KMT2B: variants seen among roughly 807,000 people sequenced by gnomAD.
KMT2B encodes lysine methyltransferase 2B, also known as histone-lysine N-methyltransferase 2B.
Under a neutral mutation model 255.3 loss-of-function variants are expected in KMT2B, and 22 were observed. That is an observed-to-expected ratio of 0.09 (90% confidence interval 0.06 to 0.12). The LOEUF (loss-of-function observed/expected upper bound fraction) is 0.12, where lower values mean the gene tolerates loss of function less well. Ranked by LOEUF, KMT2B falls within the 10% of genes least tolerant of loss-of-function variation. The pLI is 1.00. For synonymous variants in KMT2B, 1,730 were observed against 1,498.1 expected, an observed-to-expected ratio of 1.15 and a Z score of -3.57; for missense variants, 3,149 against 3,737.0, an observed-to-expected ratio of 0.84 and a Z score of 4.10.
Position 35,721,285 on chromosome 19 carries a change from C to G in KMT2B, c.1938C>G (p.Leu646=). ...CCACCTCCTCCCGGAGGCCCCTACT[C>G]CTTCGGGCCCCTCAGTTTACCCCAA... ...APATSSRRPL[L]LRAPQFTPSE... is the part of the protein sequence containing the mutation. Residue 646 remains leucine, a synonymous_variant, in exon 3 of 37, where the codon CTC becomes CTG. Transcript: ENST00000420124. 1.3e-6 allele frequency: 2 copies of G among 1,543,830 alleles called. No individual in the cohort carries two copies. The highest frequency in any genetic ancestry group is 1.7e-6 in the Non-Finnish European group (2 of 1,146,156).
Position 35,720,318 on chromosome 19 carries a change from A to T in KMT2B, c.971A>T (p.Glu324Val), listed in dbSNP as rs753110732. 1.9e-6 allele frequency: 3 copies of T among 1,612,946 alleles called. No individual in the cohort carries two copies. Among genetic ancestry groups the T allele is most frequent in the South Asian group, 1.1e-5 (1 of 90,760 alleles). Reference protein sequence around the residue: ...VKMGQLSLGLESGQGQGQHEE... With the variant: ...VKMGQLSLGLVSGQGQGQHEE... Reference sequence around the variant, plus strand: ...ATGGGACAATTGTCCTTGGGACTCGAATCAGGTCAAGGTCAAGGTCAACAT... The same window carrying T: ...ATGGGACAATTGTCCTTGGGACTCGTATCAGGTCAAGGTCAAGGTCAACAT... Residue 324 changes from glutamate to valine, a missense_variant, in exon 3 of 37, where the codon GAA (glutamate) becomes GTA (valine). This residue lies in a region of KMT2B where 1,188 missense variants were observed against 1,106.4 expected (regional missense o/e 1.07). Transcript: ENST00000420124.
chr19:35,724,946 G>C, intron 9 of KMT2B, 43 bp from the exon 10 acceptor site: 4 of 1,411,348 alleles, frequency 2.8e-6, no homozygotes, highest in Middle Eastern at 1.8e-4. Context: ...TCTGCATCAC[G>C]GCCAGGCTGG....
rs761150250 is a variant in KMT2B, at chr19:35,719,840, C to T, written c.493C>T (p.Arg165Cys). Residue 165 changes from arginine (R) to cysteine (C), a missense_variant, in exon 3 of 37, where the codon CGC (arginine) becomes TGC (cysteine). Transcript: ENST00000420124. Reference sequence around the variant, plus strand: ...TAAGACGACCCCCCTTCCTCCTCCTCGCCTAGCAGATGTGGCTCCTACCCC... The same window carrying T: ...TAAGACGACCCCCCTTCCTCCTCCTTGCCTAGCAGATGTGGCTCCTACCCC... ...KHKTTPLPPP[R>C]LADVAPTPPK... The T allele has an allele frequency of 2.6e-5, 42 of 1,612,384 alleles. No homozygotes were observed. The highest frequency in any genetic ancestry group is 4.5e-5 in the East Asian group (2 of 44,848).
Position 35,718,376 on chromosome 19 carries a change from G to A in KMT2B, c.358G>A (p.Glu120Lys), listed in dbSNP as rs865852502. Residue 120 changes from glutamate to lysine, a missense_variant, in exon 1 of 37, where the codon GAG becomes AAG. Physicochemically the swap from Glu to Lys is moderately conservative, Grantham distance 56 (BLOSUM62 1). Coordinates refer to ENST00000420124, the MANE Select transcript of KMT2B (RefSeq NM_014727.3). This position sits in a 1 kb window ranked among gnomAD's most constrained non-coding sequence, Gnocchi z 5.0. Reference protein sequence around the residue: ...EEESSDGESDEEEFQGFHSDE... With the variant: ...EEESSDGESDKEEFQGFHSDE... ...GGAGAGCAGTGACGGGGAATCCGAC[G>A]AGGAGGTGAGGCGGTTGGAGGCGTC... The A allele has an allele frequency of 7.9e-7, 1 of 1,269,608 alleles. No homozygotes were observed. The allele number at this position is 1,269,608 out of a possible 1,614,324, so 78.6% of individuals were successfully genotyped here.
chr19:35,733,446 G>T lies in KMT2B; in HGVS notation c.6897G>T (p.Arg2299=). 1.9e-6 allele frequency: 3 copies of T among 1,559,422 alleles called. No individual in the cohort carries two copies. Among genetic ancestry groups the T allele is most frequent in the Non-Finnish European group, 2.6e-6 (3 of 1,152,006 alleles). The change falls in exon 28 of 37, where the codon CGG becomes CGT. Residue 2299 remains arginine (R), a synonymous_variant. Coordinates refer to ENST00000420124, the MANE Select transcript of KMT2B (RefSeq NM_014727.3). The surrounding 1 kb of genome is among the most constrained non-coding windows in gnomAD (Gnocchi z 4.3). ...PPAPPPYKAP[R]LDEDGEASED... is the part of the protein sequence containing the mutation. Reference sequence around the variant, plus strand: ...CACCTCCCCCATACAAAGCCCCCCGGCTGGATGAAGATGGAGAGGCCTCAG... The same window carrying T: ...CACCTCCCCCATACAAAGCCCCCCGTCTGGATGAAGATGGAGAGGCCTCAG...
At position 35,729,224 on chromosome 19, in the gene KMT2B, G is replaced by T. The variant is rs760914884; in HGVS notation, c.4845G>T (p.Ser1615=). Residue 1615 remains serine, a synonymous_variant, in exon 22 of 37, where the codon TCG becomes TCT. Transcript: ENST00000420124. Reference sequence around the variant, plus strand: ...CACACGTCAACTGTGCCATCTGGTCGGCGGAAGTCTTCGAGGAGAACGACG... The same window carrying T: ...CACACGTCAACTGTGCCATCTGGTCTGCGGAAGTCTTCGAGGAGAACGACG... ...EWTHVNCAIW[S]AEVFEENDGS... 1.9e-6 allele frequency: 3 copies of T among 1,610,240 alleles called. No individual in the cohort carries two copies. Among genetic ancestry groups the T allele is most frequent in the Non-Finnish European group, 1.7e-6 (2 of 1,178,258 alleles).
Position 35,723,691 on chromosome 19 carries a change from C to T in KMT2B, c.3059-41C>T, listed in dbSNP as rs778308929. Reference sequence around the variant, plus strand: ...GCTTCTCTCCCAGTGTCCCATGTCCCTGGCTGAGCTCAAATCCTACTAAGT... The same window carrying T: ...GCTTCTCTCCCAGTGTCCCATGTCCTTGGCTGAGCTCAAATCCTACTAAGT... On this transcript the variant is annotated intron_variant, in intron 7 of 36. Coordinates refer to ENST00000420124, the MANE Select transcript of KMT2B (RefSeq NM_014727.3). The surrounding 1 kb of genome is among the most constrained non-coding windows in gnomAD (Gnocchi z 7.5). 2 of 1,503,760 alleles carry T rather than the reference C, an allele frequency of 1.3e-6. No individual in the cohort carries two copies. Among genetic ancestry groups the T allele is most frequent in the Non-Finnish European group, 1.8e-6 (2 of 1,121,632 alleles). The allele number at this position is 1,503,760 out of a possible 1,614,324, so 93.2% of individuals were successfully genotyped here.
In KMT2B at chr19:35,723,574, T is replaced by G; in HGVS notation, c.3058+72T>G. 2 of 1,414,340 alleles carry G rather than the reference T, an allele frequency of 1.4e-6. No individual in the cohort carries two copies. Among genetic ancestry groups the G allele is most frequent in the South Asian group, 2.6e-5 (2 of 75,806 alleles). 87.6% of individuals were successfully genotyped at this position (1,414,340 alleles called of 1,614,324 possible). On this transcript the variant is annotated intron_variant, in intron 7 of 36. Transcript: ENST00000420124. The surrounding 1 kb of genome is among the most constrained non-coding windows in gnomAD (Gnocchi z 7.5). ...TGTGCTGTGGAGGGAGCTGTTTTTC[T>G]TTGCTCTCCTCCCTTGCAGCTCACC... is the stretch of plus-strand genomic sequence containing the variant.
rs747275218 is a variant in KMT2B at position 35,727,746 on chromosome 19, G to A, written c.4351G>A (p.Ala1451Thr). ...GCACCCAGGACCCTGCGGCCTGCAA[G>A]CTGTGAGTCAGCGCTTCGAGGATGG... ...QLHPGPCGLQ[A>T]VSQRFEDGHY... Residue 1451 changes from alanine (A) to threonine (T), a missense_variant, in exon 17 of 37, where the codon GCT (alanine) becomes ACT (threonine). By Grantham distance (58) the Ala-to-Thr change is moderately conservative. Transcript: ENST00000420124. This position sits in a 1 kb window ranked among gnomAD's most constrained non-coding sequence, Gnocchi z 4.2. The A allele has an allele frequency of 9.9e-6, 16 of 1,613,874 alleles. No homozygotes were observed. The highest frequency in any genetic ancestry group is 1.4e-5 in the Non-Finnish European group (16 of 1,179,892).
In KMT2B at chr19:35,732,319, C is replaced by A; in HGVS notation, c.5770C>A (p.Pro1924Thr). 1 of 1,611,452 alleles carries A rather than the reference C, an allele frequency of 6.2e-7. No individual in the cohort carries two copies. Among genetic ancestry groups the A allele is most frequent in the Non-Finnish European group, 8.5e-7 (1 of 1,178,870 alleles). The change falls in exon 28 of 37, where the codon CCT (proline) becomes ACT (threonine). Residue 1924 changes from proline (P) to threonine (T), a missense_variant. Pro to Thr is a conservative substitution (Grantham distance 38). Around this residue, in one of 18 missense-constraint regions of KMT2B, gnomAD observed 897 missense variants for 825.3 expected, o/e 1.09. Coordinates refer to ENST00000420124, the MANE Select transcript of KMT2B (RefSeq NM_014727.3). Reference protein sequence around the residue: ...RRPSPLAPRPPPSRWASPPLK... With the variant: ...RRPSPLAPRPTPSRWASPPLK... The stretch of plus-strand genomic sequence containing the variant: ...TCCCAGCCCTTTGGCTCCCAGGCCG[C>A]CTCCATCACGGTGGGCCTCCCCTCC...
rs979177315 is a variant in KMT2B, at chr19:35,722,965, C to T, written c.2723-30C>T. On this transcript the variant is annotated intron_variant, in intron 5 of 36. Coordinates refer to ENST00000420124, the MANE Select transcript of KMT2B (RefSeq NM_014727.3). Reference sequence around the variant, plus strand: ...GTAGAAGCCTGGTGGCTTTGTGGCTCCATCCCCTCCTCCCTGCCTGCTGCA... The same window carrying T: ...GTAGAAGCCTGGTGGCTTTGTGGCTTCATCCCCTCCTCCCTGCCTGCTGCA... The T allele has an allele frequency of 4.6e-6, 7 of 1,512,150 alleles. No homozygotes were observed. The Admixed American group carries it at 1.0e-4, about 23-fold the overall frequency. 93.7% of individuals were successfully genotyped at this position (1,512,150 alleles called of 1,614,324 possible).
chr19:35,720,559 G>A lies in KMT2B; in HGVS notation c.1212G>A (p.Pro404=), dbSNP rs574300657. 903 of 1,545,124 alleles carry A rather than the reference G, an allele frequency of 5.8e-4. 1 individual carries two copies. Among genetic ancestry groups the A allele is most frequent in the Non-Finnish European group, 7.6e-4 (875 of 1,144,102 alleles). ...AEKEEAKLPP[P]PLTPPAPSPP... ...AGGAAGAGGCAAAGCTGCCACCACC[G>A]CCTCTGACTCCTCCAGCCCCTTCAC... is the stretch of plus-strand genomic sequence containing the variant. The change falls in exon 3 of 37, where the codon CCG becomes CCA. Residue 404 remains proline (P), a synonymous_variant. Transcript: ENST00000420124.
intron 30 of KMT2B, among the ~76,000 whole-genome samples, chr19:35,734,696 C>G (rs564643094): frequency 6.6e-6 from 1 of 152,158 alleles, no homozygotes; most frequent in East Asian, 1.9e-4. Flanking sequence ...TGATGGACTC[C>G]TTGAAGCTGG....
In KMT2B at chr19:35,727,380, G is replaced by A. The variant is rs1249432993; in HGVS notation, c.4118-58G>A. 4 of 1,598,306 alleles carry A rather than the reference G, an allele frequency of 2.5e-6. No homozygotes were observed. Among genetic ancestry groups the A allele is most frequent in the Non-Finnish European group, 3.4e-6 (4 of 1,166,540 alleles). On this transcript the variant is annotated intron_variant, in intron 15 of 36. Coordinates refer to ENST00000420124, the MANE Select transcript of KMT2B (RefSeq NM_014727.3). The surrounding 1 kb of genome is among the most constrained non-coding windows in gnomAD (Gnocchi z 4.2). ...AAGGGTCCTTGCTGGCCTAGGGGCT[G>A]CTGGGAGCCCTCACATCCTCTGAAA...
chr19:35,726,656 G>C (rs1324851009), intron 14 of KMT2B, among the ~76,000 whole-genome samples: 1 of 152,154 alleles, frequency 6.6e-6, no homozygotes, highest in Non-Finnish European at 1.5e-5. Flanking sequence ...CAGTACATTA[G>C]CAAGGCCCTG....
Position 35,725,243 on chromosome 19 carries a change from G to C in KMT2B, c.3552G>C (p.Val1184=). 2 of 1,611,514 alleles carry C rather than the reference G, an allele frequency of 1.2e-6. No homozygotes were observed. Among genetic ancestry groups the C allele is most frequent in the Non-Finnish European group, 1.7e-6 (2 of 1,178,762 alleles). Residue 1184 remains valine (V), a synonymous_variant, in exon 11 of 37, where the codon GTG becomes GTC. Coordinates refer to ENST00000420124, the MANE Select transcript of KMT2B (RefSeq NM_014727.3). This position sits in a 1 kb window ranked among gnomAD's most constrained non-coding sequence, Gnocchi z 4.1. ...DFKEDCDLEN[V]WLMGGLSVLT... ...AGGAGGATTGTGATTTAGAGAACGTGTGGCTGATGGGGGGCCTGAGTGTGC... is the reference window on the plus strand; with the variant it reads ...AGGAGGATTGTGATTTAGAGAACGTCTGGCTGATGGGGGGCCTGAGTGTGC...
In KMT2B at chr19:35,718,454, G is replaced by T; in HGVS notation, c.363+73G>T. On this transcript the variant is annotated intron_variant, in intron 1 of 36. Transcript: ENST00000420124. The surrounding 1 kb of genome is among the most constrained non-coding windows in gnomAD (Gnocchi z 5.0). ...GGCTTCCAGGGGTCTGGGTTGTCCC[G>T]GGGGCGGCGTGGGCAGGCCGGGTCC... 2.5e-6 allele frequency: 3 copies of T among 1,201,850 alleles called. No homozygotes were observed. The highest frequency in any genetic ancestry group is 3.1e-6 in the Non-Finnish European group (3 of 960,506). The allele number at this position is 1,201,850 out of a possible 1,614,324, so 74.4% of individuals were successfully genotyped here.
Position 35,730,525 on chromosome 19 carries a change from C to A in KMT2B, c.5198-13C>A, listed in dbSNP as rs921021626. ...TCCTGCCTGCCTCTCCTGACCTCCG[C>A]TTTGCACCACAGGTTCCATCCGCAT... On this transcript the variant is annotated splice_polypyrimidine_tract_variant and intron_variant, in intron 24 of 36. Coordinates refer to ENST00000420124, the MANE Select transcript of KMT2B (RefSeq NM_014727.3). 5 of 1,613,938 alleles carry A rather than the reference C, an allele frequency of 3.1e-6. No individual in the cohort carries two copies. In the African/African-American group the frequency reaches 5.3e-5, roughly 17 times the overall value.
In KMT2B at chr19:35,723,526, C is replaced by T. The variant is rs766564545; in HGVS notation, c.3058+24C>T. The T allele has an allele frequency of 1.3e-6, 2 of 1,552,848 alleles. No individual in the cohort carries two copies. Among genetic ancestry groups the T allele is most frequent in the Non-Finnish European group, 1.7e-6 (2 of 1,148,074 alleles). On this transcript the variant is annotated intron_variant, in intron 7 of 36. Coordinates refer to ENST00000420124, the MANE Select transcript of KMT2B (RefSeq NM_014727.3). The surrounding 1 kb of genome is among the most constrained non-coding windows in gnomAD (Gnocchi z 7.5). Reference sequence around the variant, plus strand: ...AGGTGACGAGCTTTAAGGAGCATTTCTTCTCAAAACCGTGTTAGAGTTTGT... The same window carrying T: ...AGGTGACGAGCTTTAAGGAGCATTTTTTCTCAAAACCGTGTTAGAGTTTGT...
Sources: allele counts gnomAD v4.1 joint callset (sites outside exome capture counted in the v4.1 genomes callset), GRCh38; gene constraint gnomAD v4.1.1; regional missense constraint gnomAD v4.1.1; non-coding constraint Gnocchi (gnomAD v3.1); transcripts MANE v1.5; gene names NCBI Gene and HGNC (gene_info 2026-07-23, HGNC 2026-07-21).